Variants in SCEL observed in about 807,000 individuals in gnomAD.
The protein encoded by SCEL is sciellin.
A neutral mutation model predicts 117.6 loss-of-function variants in SCEL; 113 were observed. That is an observed-to-expected ratio of 0.96 (90% CI 0.83 to 1.12). The LOEUF (loss-of-function observed/expected upper bound fraction) is 1.12. Among genes scored for constraint, SCEL ranks in the 50% most tolerant of loss-of-function variants. The probability of loss-of-function intolerance (pLI) is 0.00; values close to 1 mark genes in which losing one functional copy is unlikely to be tolerated. For missense variants in SCEL, 785 were observed against 810.8 expected, an observed-to-expected ratio of 0.97 and a Z score of 0.39; for synonymous variants, 270 against 256.2, an observed-to-expected ratio of 1.05 and a Z score of -0.51.
chr13:77,580,584 A>AG, intron 9 of SCEL, among the ~76,000 whole-genome samples: 1 of 152,310 alleles, frequency 6.6e-6, no homozygotes, highest in East Asian at 1.9e-4. Context: ...GGTGACTTGG[A>AG]GATTCAGTGG....
Position 77,556,725 on chromosome 13 carries a change from T to A in SCEL, c.161+12T>A, listed in dbSNP as rs755210564. The A allele has an allele frequency of 6.4e-7, 1 of 1,563,976 alleles. No homozygotes were observed. ...CCTGAAGAAGAAAAGTAAGCTGGTG[T>A]GGAGCGTGGTGGGTGGACAGAAGGG... On this transcript the variant is annotated intron_variant, in intron 3 of 32. Transcript: ENST00000349847.
intron 27 of SCEL, among the ~76,000 whole-genome samples, chr13:77,620,259 A>T (rs1423603845): frequency 1.3e-5 from 2 of 152,184 alleles, no homozygotes; most frequent in African/African-American, 4.8e-5. Flanking sequence ...ACTTCATTCA[A>T]TTGGTTCAGC....
Position 77,567,863 on chromosome 13 carries a change from C to T in SCEL, c.359+115C>T, listed in dbSNP as rs1404952782. ...ATATCTTTCTGTAAATTCTTAGTCT[C>T]TATCATTACTCCTGTTCATGGCTAG... On this transcript the variant is annotated intron_variant, in intron 6 of 32. Coordinates refer to ENST00000349847, the MANE Select transcript of SCEL (RefSeq NM_144777.3). The T allele has an allele frequency of 1.8e-5, 12 of 668,022 alleles. No homozygotes were observed. The East Asian group carries it at 3.3e-4, about 18-fold the overall frequency. 41.4% of individuals were successfully genotyped at this position (668,022 alleles called of 1,614,324 possible). A position where few individuals can be genotyped will look rare whatever the true frequency, so the allele number is the denominator to read the frequency against.
intron 28 of SCEL, among the ~76,000 whole-genome samples, chr13:77,629,690 A>G (rs2089940138): frequency 1.3e-5 from 2 of 152,336 alleles, no homozygotes; most frequent in African/African-American, 4.8e-5. Context: ...AAATTTATTT[A>G]ACCTGTGATC....
At chr13:77,610,026 C>G (rs1176031072) in intron 21 of SCEL, 21 bp from the exon 22 acceptor site, 2 of 1,578,650 alleles carry the variant, frequency 1.3e-6, no homozygotes, top group Non-Finnish European at 1.7e-6. Flanking sequence ...TACCACTGAT[C>G]TGATTTTCTA....
At position 77,550,413 on chromosome 13, in the gene SCEL, TTA is replaced by T. The variant is rs71102759; in HGVS notation, c.-19-5432_-19-5431del. 1.4e-3 allele frequency among the ~76,000 whole-genome samples: 186 copies of T among 135,842 alleles called. 3 individuals are homozygous for T. Among genetic ancestry groups the T allele is most frequent in the East Asian group, 2.4e-3 (11 of 4,618 alleles). The allele number at this position is 135,842 out of a possible 152,430, so 89.1% of individuals were successfully genotyped here. A position where few individuals can be genotyped will look rare whatever the true frequency, so the allele number is the denominator to read the frequency against. On this transcript the variant is annotated intron_variant, in intron 1 of 32. Transcript: ENST00000349847. ...ATATATATATATATATATATATATA[TTA>T]TATATATATATCTCCAAGGTTGTGC...
intron 1 of SCEL, among the ~76,000 whole-genome samples, chr13:77,550,560 CT>C (rs1233214404): frequency 6.6e-6 from 1 of 152,088 alleles, no homozygotes. Context: ...CACTAATCCA[CT>C]TTCTTTTCTA....
intron 23 of SCEL, 106 bp downstream of exon 23, chr13:77,613,047 A>T (rs2088780615): frequency 4.5e-6 from 3 of 662,908 alleles, no homozygotes; most frequent in Non-Finnish European, 5.1e-6. Flanking sequence ...GACATGAAAA[A>T]AAATGAGAAC....
intron 4 of SCEL, among the ~76,000 whole-genome samples, chr13:77,560,864 T>C (rs960636371): frequency 1.3e-5 from 2 of 152,182 alleles, no homozygotes; most frequent in East Asian, 1.9e-4. Context: ...TCTTCTATGG[T>C]GTGGATCTTA....
chr13:77,557,200 TG>T (rs1314143730), intron 3 of SCEL, among the ~76,000 whole-genome samples: 1 of 152,094 alleles, frequency 6.6e-6, no homozygotes, highest in Non-Finnish European at 1.5e-5. Context: ...ACTGGGAAGG[TG>T]GGATATATGG....
intron 1 of SCEL, among the ~76,000 whole-genome samples, chr13:77,552,980 G>T (rs187586377): frequency 1.0e-3 from 156 of 152,256 alleles, no homozygotes; most frequent in African/African-American, 3.5e-3. Flanking sequence ...TTTCGCCATT[G>T]CTTGTTTTTC....
intron 30 of SCEL, among the ~76,000 whole-genome samples, chr13:77,637,558 CT>C (rs1361987058): frequency 6.6e-6 from 1 of 151,954 alleles, no homozygotes; most frequent in African/African-American, 2.4e-5. Flanking sequence ...GGATTCCTGG[CT>C]GTTGCTGCTG....
intron 1 of SCEL, among the ~76,000 whole-genome samples, chr13:77,547,000 C>T (rs1174391425): frequency 6.6e-6 from 1 of 152,186 alleles, no homozygotes. Context: ...ATAGTCAGAA[C>T]TACAAATGTG....
chr13:77,622,310 A>T (rs781015229), intron 27 of SCEL, among the ~76,000 whole-genome samples: 4 of 152,220 alleles, frequency 2.6e-5, no homozygotes, highest in Non-Finnish European at 5.9e-5. Flanking sequence ...AGAAAGGAAG[A>T]ACAGTTAGGA....
intron 22 of SCEL, among the ~76,000 whole-genome samples, chr13:77,612,483 T>C (rs2088720561): frequency 1.0e-5 from 1 of 96,314 alleles, no homozygotes; most frequent in African/African-American, 3.5e-5. Context: ...TTTTTTTTTT[T>C]TTACAAATTA....
rs550295910 is a variant in SCEL, at chr13:77,620,737, T to C, written c.1628+2677T>C. 6.0e-4 allele frequency among the ~76,000 whole-genome samples: 91 copies of C among 152,266 alleles called. 1 individual carries two copies. In the South Asian group the frequency reaches 0.017, roughly 29 times the overall value. On this transcript the variant is annotated intron_variant, in intron 27 of 32. Transcript: ENST00000349847. ...CTACATTTCTGCTCCTGAATGAATA[T>C]TGAAAAGCATCTAGTGACACCAAGG...
intron 32 of SCEL, among the ~76,000 whole-genome samples, chr13:77,643,556 G>A (rs10507873): frequency 0.17 from 25,149 of 151,928 alleles, 2,416 homozygotes; most frequent in East Asian, 0.45. Flanking sequence ...GACGGTCAAC[G>A]GTACTATGTG....
intron 1 of SCEL, among the ~76,000 whole-genome samples, chr13:77,541,435 A>G (rs1412617562): frequency 6.6e-6 from 1 of 152,246 alleles, no homozygotes; most frequent in East Asian, 1.9e-4. Flanking sequence ...GGGATCAAGA[A>G]TATTTTAGAA....
intron 8 of SCEL, among the ~76,000 whole-genome samples, 153 bp from the exon 9 acceptor site, chr13:77,571,971 G>A (rs1249534481): frequency 6.6e-6 from 1 of 152,140 alleles, no homozygotes; most frequent in Non-Finnish European, 1.5e-5. Flanking sequence ...ATATAGGACA[G>A]TTACTTCCTA....
Sources: gnomAD v4.1 joint callset for allele counts (sites outside exome capture counted in the v4.1 genomes callset) on GRCh38, gnomAD v4.1.1 for gene constraint, MANE v1.5 for transcripts, NCBI Gene and HGNC (gene_info 2026-07-23, HGNC 2026-07-21) for gene names.